Variants in LHX8 observed in about 807,000 individuals in gnomAD.
LHX8 encodes the protein LIM homeobox 8.
Under a neutral mutation model 40.3 loss-of-function variants are expected in LHX8, and 12 were observed. The ratio of observed to expected loss-of-function variants is 0.30; its 90% CI spans 0.19 to 0.48. The LOEUF is 0.48. LHX8 is among the 20% of genes least tolerant of loss of function. The pLI, the probability that LHX8 is intolerant of heterozygous loss-of-function variation, is 0.99. For synonymous variants in LHX8, 179 were observed against 162.0 expected (o/e 1.10, Z -0.80); for missense variants, 344 against 433.7 (o/e 0.79, Z 1.84).
the LHX8 span, chr1:75,183,065 T>C: frequency 6.6e-6 from 1 of 152,132 alleles, no homozygotes; most frequent in Non-Finnish European, 1.5e-5. Context: ...TAACAGCACC[T>C]GTACTAAAAT....
At chr1:75,163,089 T>C (rs1480777222), downstream of LHX8, among the ~76,000 whole-genome samples, 2 of 150,698 alleles carry the variant, frequency 1.3e-5, no homozygotes, top group Admixed American at 1.3e-4. Context: ...ACTAAGTCAA[T>C]ACTCTTTAAG....
intron 7 of LHX8, among the ~76,000 whole-genome samples, chr1:75,150,921 C>T (rs1648590374): frequency 3.3e-5 from 5 of 151,892 alleles, no homozygotes; most frequent in Admixed American, 2.6e-4. Flanking sequence ...GTGATCCGCC[C>T]GCCTCAGCCT....
At chr1:75,136,124 T>A (rs1388596832) in intron 1 of LHX8, among the ~76,000 whole-genome samples, 3 of 152,210 alleles carry the variant, frequency 2.0e-5, no homozygotes, top group Non-Finnish European at 4.4e-5. Flanking sequence ...TGTGTCTTGC[T>A]CTTTTAATTG....
chr1:75,140,852 C>T, intron 3 of LHX8, 133 bp from the exon 4 acceptor site: 1 of 861,792 alleles, frequency 1.2e-6, no homozygotes. Context: ...AAAAAAATGA[C>T]ATCTTTTGGA....
chr1:75,131,111 C>T (rs992512900), upstream of LHX8: 50 of 347,598 alleles, frequency 1.4e-4, no homozygotes, highest in Non-Finnish European at 2.1e-4. Context: ...TGCAGGCCGC[C>T]CGGGAGTCCT....
chr1:75,157,168 A>C, intron 8 of LHX8, 92 bp downstream of exon 8: 2 of 1,390,288 alleles, frequency 1.4e-6, no homozygotes, highest in Non-Finnish European at 2.0e-6. Context: ...ACATTTTGAA[A>C]TATTACCTCA....
At chr1:75,159,170 T>C (rs1484967291) in intron 8 of LHX8, 1 of 152,210 alleles carries the variant, frequency 6.6e-6, no homozygotes, top group South Asian at 2.1e-4. Flanking sequence ...GAAGATATGA[T>C]TACCTTGTCT....
chr1:75,152,299 A>G (rs979249867), intron 7 of LHX8, among the ~76,000 whole-genome samples: 4 of 152,238 alleles, frequency 2.6e-5, no homozygotes, highest in African/African-American at 9.6e-5. Flanking sequence ...TTAGTAAGAC[A>G]TTTGTAATAA....
the LHX8 span, among the ~76,000 whole-genome samples, chr1:75,184,997 A>C: frequency 6.6e-6 from 1 of 152,102 alleles, no homozygotes; most frequent in Non-Finnish European, 1.5e-5. Context: ...CAAACTAGAA[A>C]ACCTAGAAGA....
the LHX8 span, among the ~76,000 whole-genome samples, chr1:75,187,991 G>A: frequency 6.6e-6 from 1 of 152,168 alleles, no homozygotes; most frequent in African/African-American, 2.4e-5. Flanking sequence ...CATTGTAGCA[G>A]CACAGTCACA....
At chr1:75,140,050 G>A (rs2100336365) in intron 3 of LHX8, among the ~76,000 whole-genome samples, 1 of 152,300 alleles carries the variant, frequency 6.6e-6, no homozygotes, top group African/African-American at 2.4e-5. Context: ...AGCAAACTTT[G>A]GGAGCCTGCA....
At chr1:75,182,173 G>A in the LHX8 span, among the ~76,000 whole-genome samples, 9 of 152,158 alleles carry the variant, frequency 5.9e-5, no homozygotes, top group South Asian at 2.1e-4. Context: ...GTTGATTTTT[G>A]TGTAACGTGA....
At chr1:75,187,476 G>C in the LHX8 span, among the ~76,000 whole-genome samples, 1 of 152,220 alleles carries the variant, frequency 6.6e-6, no homozygotes, top group African/African-American at 2.4e-5. Context: ...GAAGGTTCAA[G>C]TTGTTGGCTA....
rs765760807 is a variant in LHX8, at chr1:75,137,272, G to A, written c.237+11G>A. The A allele has an allele frequency of 1.9e-5, 31 of 1,613,028 alleles. 1 individual carries two copies. In the South Asian group the frequency reaches 3.4e-4, roughly 18 times the overall value. On this transcript the variant is annotated intron_variant, in intron 3 of 8. Coordinates refer to ENST00000356261, the MANE Select transcript of LHX8 (RefSeq NM_001256114.2). ...AAATACCTTCTCAAGGTAGGATAGG[G>A]CCTCGGGTGCGAGGCCCAAGGGGAG...
At chr1:75,168,598 A>G in the LHX8 span, among the ~76,000 whole-genome samples, 2 of 152,138 alleles carry the variant, frequency 1.3e-5, no homozygotes, top group South Asian at 4.2e-4. Context: ...GAGAGGACGC[A>G]CAGGAAACAC....
At chr1:75,182,489 T>G in the LHX8 span, among the ~76,000 whole-genome samples, 1 of 149,718 alleles carries the variant, frequency 6.7e-6, no homozygotes, top group South Asian at 2.2e-4. Flanking sequence ...TTCTCCTGCC[T>G]CAGGCTCCCA....
chr1:75,181,364 C>T, the LHX8 span, among the ~76,000 whole-genome samples: 1 of 152,308 alleles, frequency 6.6e-6, no homozygotes, highest in Middle Eastern at 3.4e-3. Flanking sequence ...CAGTGGGCTC[C>T]ACCCAGTTCG....
intron 6 of LHX8, among the ~76,000 whole-genome samples, chr1:75,146,210 A>G (rs1020555214): frequency 5.3e-5 from 8 of 152,196 alleles, no homozygotes; most frequent in African/African-American, 1.9e-4. Flanking sequence ...AAAATATTAC[A>G]TGTGACCAGT....
chr1:75,155,548 C>G (rs1211809661), intron 7 of LHX8, among the ~76,000 whole-genome samples: 2 of 152,070 alleles, frequency 1.3e-5, no homozygotes, highest in Admixed American at 1.3e-4. Context: ...AAGAAACACT[C>G]TCTATGGTCA....
Sources: gnomAD v4.1 joint callset for allele counts (sites outside exome capture counted in the v4.1 genomes callset) on GRCh38, gnomAD v4.1.1 for gene constraint, MANE v1.5 for transcripts, NCBI Gene and HGNC (gene_info 2026-07-23, HGNC 2026-07-21) for gene names.